Variants in PLEKHG3 observed in about 807,000 individuals in gnomAD.
PLEKHG3 encodes the protein pleckstrin homology and RhoGEF domain containing G3, also known as pleckstrin homology domain-containing family G member 3.
PLEKHG3 carries 62 observed loss-of-function variants against 94.9 expected under a neutral mutation model. That is an observed-to-expected ratio of 0.65 (90% CI 0.53 to 0.81). The LOEUF is 0.81. Among genes scored for constraint, PLEKHG3 ranks in the 30% least tolerant of loss-of-function variants. The pLI is 0.00. For missense variants in PLEKHG3, 1,461 were observed against 1,619.3 expected, an observed-to-expected ratio of 0.90 and a Z score of 1.68; for synonymous variants, 614 against 654.0, an observed-to-expected ratio of 0.94 and a Z score of 0.93.
chr14:64,733,122 C>T (rs1340001026), intron 12 of PLEKHG3, among the ~76,000 whole-genome samples: 1 of 151,974 alleles, frequency 6.6e-6, no homozygotes, highest in Non-Finnish European at 1.5e-5. Flanking sequence ...GGTCTGGAGC[C>T]CACCTTTTTC....
chr14:64,735,564 C>T (rs1011566524), intron 12 of PLEKHG3, among the ~76,000 whole-genome samples: 3 of 152,230 alleles, frequency 2.0e-5, no homozygotes, highest in Non-Finnish European at 4.4e-5. Context: ...GAATGGATAT[C>T]GTGCCCCTGC....
Position 64,737,364 on chromosome 14 carries a change from G to A in PLEKHG3, c.1393G>A (p.Ala465Thr). 6.2e-7 allele frequency: 1 copy of A among 1,601,118 alleles called. No homozygotes were observed. Among genetic ancestry groups the A allele is most frequent in the Non-Finnish European group, 8.5e-7 (1 of 1,174,330 alleles). Reference protein sequence around the residue: ...LRQLNEKARAAGMKGKGRRES... With the variant: ...LRQLNEKARATGMKGKGRRES... ...GGTGGTGATGTCTGCAGCCCGAGCAGCAGGAATGAAGGTAAAGGCCAGTGG... is the reference window on the plus strand; with the variant it reads ...GGTGGTGATGTCTGCAGCCCGAGCAACAGGAATGAAGGTAAAGGCCAGTGG... Residue 465 changes from alanine to threonine, a missense_variant, in exon 14 of 17, where the codon GCA becomes ACA. Transcript: ENST00000247226.
Position 64,727,648 on chromosome 14 carries a change from C to G in PLEKHG3, c.17C>G (p.Ser6Cys), listed in dbSNP as rs1423897553. ...AATGCCAGGATGCCTGTGTCCACCTCCCTCCACCAGGATGGCAGCCAGGAG... is the reference window on the plus strand; with the variant it reads ...AATGCCAGGATGCCTGTGTCCACCTGCCTCCACCAGGATGGCAGCCAGGAG... The part of the protein sequence containing the change: MPVST[S>C]LHQDGSQERP... Residue 6 changes from serine to cysteine, a missense_variant, in exon 2 of 17, where the codon TCC becomes TGC. Physicochemically the swap from Ser to Cys is moderately radical, Grantham distance 112. Transcript: ENST00000247226. The surrounding 1 kb of genome is among the most constrained non-coding windows in gnomAD (Gnocchi z 6.0). 6.2e-7 allele frequency: 1 copy of G among 1,611,338 alleles called. No individual in the cohort carries two copies.
chr14:64,724,988 G>A (rs2081326083), intron 1 of PLEKHG3, among the ~76,000 whole-genome samples: 1 of 152,238 alleles, frequency 6.6e-6, no homozygotes, highest in Non-Finnish European at 1.5e-5. Context: ...TGGCTGTTAT[G>A]CTTTGTTTTA....
In PLEKHG3 at chr14:64,731,161, C is replaced by T. The variant is rs762306034; in HGVS notation, c.841C>T (p.Arg281Trp). 12 of 1,550,860 alleles carry T rather than the reference C, an allele frequency of 7.7e-6. No homozygotes were observed. Among genetic ancestry groups the T allele is most frequent in the Non-Finnish European group, 1.1e-5 (12 of 1,136,574 alleles). ...DMKRRHEHAVRLQEIQSLLIN... is the reference protein window; with the variant it reads ...DMKRRHEHAVWLQEIQSLLIN... ...GAAGAGGAGGCATGAGCACGCGGTC[C>T]GGCTCCAGGTGCTCTGGGGCTGGGA... The change falls in exon 7 of 17, where the codon CGG becomes TGG. Residue 281 changes from arginine to tryptophan, a missense_variant. Coordinates refer to ENST00000247226, the MANE Select transcript of PLEKHG3 (RefSeq NM_001308147.2). The surrounding 1 kb of genome is among the most constrained non-coding windows in gnomAD (Gnocchi z 6.1).
At position 64,715,904 on chromosome 14, in the gene PLEKHG3, T is replaced by C. The variant is rs2081131917; in HGVS notation, c.-40+11200T>C. 2.5e-5 allele frequency: 10 copies of C among 397,628 alleles called. No homozygotes were observed. Among genetic ancestry groups the C allele is most frequent in the Middle Eastern group, 8.5e-4 (1 of 1,182 alleles). The allele number at this position is 397,628 out of a possible 1,614,324, so 24.6% of individuals were successfully genotyped here. ...TATGACCCACACGCAGAACTGGTTCTGAATAGAACATTTATTGACGAAGTT... is the reference window on the plus strand; with the variant it reads ...TATGACCCACACGCAGAACTGGTTCCGAATAGAACATTTATTGACGAAGTT... On this transcript the variant is annotated intron_variant, in intron 1 of 16. Transcript: ENST00000247226. The surrounding 1 kb of genome is among the most constrained non-coding windows in gnomAD (Gnocchi z 4.4).
At chr14:64,736,114 G>A (rs190112248) in intron 12 of PLEKHG3, among the ~76,000 whole-genome samples, 38 of 152,300 alleles carry the variant, frequency 2.5e-4, no homozygotes, top group African/African-American at 8.4e-4. Flanking sequence ...CCCACTTACC[G>A]CCAGCTGGGC....
rs1446274970 is a variant in PLEKHG3, at chr14:64,726,125, A to G, written c.-39-1468A>G. Among the ~76,000 whole-genome samples, 1 of 151,980 alleles carries G rather than the reference A, an allele frequency of 6.6e-6. No homozygotes were observed. Among genetic ancestry groups the G allele is most frequent in the Non-Finnish European group, 1.5e-5 (1 of 67,978 alleles). On this transcript the variant is annotated intron_variant, in intron 1 of 16. Transcript: ENST00000247226. This position sits in a 1 kb window ranked among gnomAD's most constrained non-coding sequence, Gnocchi z 5.1. ...GGATGTAAATTACATAGGTTGGGGGATGGTACTGTATGGGGTGGATGGGGA... is the reference window on the plus strand; with the variant it reads ...GGATGTAAATTACATAGGTTGGGGGGTGGTACTGTATGGGGTGGATGGGGA...
rs1484150636 is a variant in PLEKHG3 at position 64,749,793 on chromosome 14, C to G, written c.*6090C>G. The G allele has an allele frequency of 1.0e-5, 16 of 1,530,434 alleles. No individual in the cohort carries two copies. In the South Asian group the frequency reaches 1.4e-4, roughly 13 times the overall value. 94.8% of individuals were successfully genotyped at this position (1,530,434 alleles called of 1,614,324 possible). A position where few individuals can be genotyped will look rare whatever the true frequency, so the allele number is the denominator to read the frequency against. On this transcript the variant is annotated 3_prime_UTR_variant, in exon 17 of 17. Coordinates refer to ENST00000247226, the MANE Select transcript of PLEKHG3 (RefSeq NM_001308147.2). The surrounding 1 kb of genome is among the most constrained non-coding windows in gnomAD (Gnocchi z 4.7). The stretch of plus-strand genomic sequence containing the variant: ...TCCCACAATACCCTGAGCCGAACAT[C>G]CAGACCCCTCTCAGGCAGCCCAGCA...
chr14:64,744,996 G>A lies in PLEKHG3; in HGVS notation c.*1293G>A, dbSNP rs1171216662. ...TCGCCGTGTTGACCAGGCTGGTCTCGAACTTCTGACCTCAGGTGATCCACC... is the reference window on the plus strand; with the variant it reads ...TCGCCGTGTTGACCAGGCTGGTCTCAAACTTCTGACCTCAGGTGATCCACC... On this transcript the variant is annotated 3_prime_UTR_variant, in exon 17 of 17. Transcript: ENST00000247226. 1.3e-5 allele frequency: 2 copies of A among 151,966 alleles called. No homozygotes were observed. The highest frequency in any genetic ancestry group is 6.6e-5 in the Admixed American group (1 of 15,264). The allele number at this position is 151,966 out of a possible 1,614,324, so 9.4% of individuals were successfully genotyped here.
At position 64,731,517 on chromosome 14, in the gene PLEKHG3, C is replaced by G; in HGVS notation, c.1006C>G (p.His336Asp). 1.2e-6 allele frequency: 2 copies of G among 1,614,100 alleles called. No homozygotes were observed. The highest frequency in any genetic ancestry group is 1.7e-6 in the Non-Finnish European group (2 of 1,180,004). ...GCTTATCACCAAGAAGCGGGGCGAT[C>G]ACTTTGTCTACAAGGGCAACATCCC... Reference protein sequence around the residue: ...TLLITKKRGDHFVYKGNIPCS... With the variant: ...TLLITKKRGDDFVYKGNIPCS... Residue 336 changes from histidine (H) to aspartate (D), a missense_variant, in exon 8 of 17, where the codon CAC becomes GAC. By Grantham distance (81) the His-to-Asp change is moderately conservative. Around this residue, in one of 3 missense-constraint regions of PLEKHG3, gnomAD observed 1,201 missense variants for 1,295.5 expected, o/e 0.93. Transcript: ENST00000247226. This position sits in a 1 kb window ranked among gnomAD's most constrained non-coding sequence, Gnocchi z 6.1.
chr14:64,715,943 C>T lies in PLEKHG3; in HGVS notation c.-40+11239C>T, dbSNP rs2081132993. 4.6e-6 allele frequency: 2 copies of T among 435,192 alleles called. No individual in the cohort carries two copies. Among genetic ancestry groups the T allele is most frequent in the Admixed American group, 2.6e-5 (1 of 38,810 alleles). The allele number at this position is 435,192 out of a possible 1,614,324, so 27.0% of individuals were successfully genotyped here. A position where few individuals can be genotyped will look rare whatever the true frequency, so the allele number is the denominator to read the frequency against. ...ATTGACGAAGTTTTGCAGGAGGCGG[C>T]GGGCGCTTTAATTCCCGAGGCTGTT... On this transcript the variant is annotated intron_variant, in intron 1 of 16. Coordinates refer to ENST00000247226, the MANE Select transcript of PLEKHG3 (RefSeq NM_001308147.2). This position sits in a 1 kb window ranked among gnomAD's most constrained non-coding sequence, Gnocchi z 4.4.
chr14:64,731,206 C>A lies in PLEKHG3; in HGVS notation c.849+37C>A. The A allele has an allele frequency of 3.5e-6, 3 of 865,868 alleles. No individual in the cohort carries two copies. Among genetic ancestry groups the A allele is most frequent in the Admixed American group, 1.8e-5 (1 of 54,054 alleles). The allele number at this position is 865,868 out of a possible 1,614,324, so 53.6% of individuals were successfully genotyped here. A position where few individuals can be genotyped will look rare whatever the true frequency, so the allele number is the denominator to read the frequency against. ...CTGGGACGCTGGGGGAGGGGCAGGG[C>A]TGGGTGGGCCAGGCTTCCGCTGGGA... On this transcript the variant is annotated intron_variant, in intron 7 of 16. Transcript: ENST00000247226. The surrounding 1 kb of genome is among the most constrained non-coding windows in gnomAD (Gnocchi z 6.1).
chr14:64,736,547 A>T (rs911487431), intron 12 of PLEKHG3, among the ~76,000 whole-genome samples: 16 of 152,076 alleles, frequency 1.1e-4, no homozygotes, highest in African/African-American at 3.6e-4. Context: ...TCCCCTCCCT[A>T]TGGCTCCTGC....
In PLEKHG3 at chr14:64,722,748, A is replaced by T. The variant is rs1452937400; in HGVS notation, c.-39-4845A>T. 6.6e-6 allele frequency among the ~76,000 whole-genome samples: 1 copy of T among 152,112 alleles called. No homozygotes were observed. Among genetic ancestry groups the T allele is most frequent in the East Asian group, 1.9e-4 (1 of 5,180 alleles). The stretch of plus-strand genomic sequence containing the variant: ...CTGGGGAGTCTGGTGTGCCCACCAG[A>T]GGGTTCACCCCCAAGTGTCCTCTTC... On this transcript the variant is annotated intron_variant, in intron 1 of 16. Transcript: ENST00000247226. This position sits in a 1 kb window ranked among gnomAD's most constrained non-coding sequence, Gnocchi z 4.3.
Position 64,728,002 on chromosome 14 carries a change from C to A in PLEKHG3, c.351+20C>A. ...GTGGAGGTGCGTGTCGGAGGCCTTG[C>A]GGCACAGTATTCTAGCAGAAGCCTG... On this transcript the variant is annotated intron_variant, in intron 2 of 16. Transcript: ENST00000247226. The surrounding 1 kb of genome is among the most constrained non-coding windows in gnomAD (Gnocchi z 5.9). 1.4e-6 allele frequency: 2 copies of A among 1,433,762 alleles called. No individual in the cohort carries two copies. Among genetic ancestry groups the A allele is most frequent in the Non-Finnish European group, 1.9e-6 (2 of 1,050,674 alleles). The allele number at this position is 1,433,762 out of a possible 1,614,324, so 88.8% of individuals were successfully genotyped here.
intron 1 of PLEKHG3, among the ~76,000 whole-genome samples, chr14:64,719,934 G>A (rs1350703572): frequency 6.6e-6 from 1 of 152,222 alleles, no homozygotes; most frequent in African/African-American, 2.4e-5. Context: ...GGATCTGTCT[G>A]TGATTTCCAG....
In PLEKHG3 at chr14:64,731,442, G is replaced by A. The variant is rs150260706; in HGVS notation, c.931G>A (p.Val311Met). The A allele has an allele frequency of 2.9e-4, 465 of 1,613,058 alleles. No individual in the cohort carries two copies. Among genetic ancestry groups the A allele is most frequent in the Non-Finnish European group, 3.8e-4 (446 of 1,179,124 alleles). ...GCTTGTCCTGGAGGGCACATTCCGCGTGCATCGCGTGCGCAATGAAAGGAC... is the reference window on the plus strand; with the variant it reads ...GCTTGTCCTGGAGGGCACATTCCGCATGCATCGCGTGCGCAATGAAAGGAC... ...GELVLEGTFRVHRVRNERTFF... is the reference protein window; with the variant it reads ...GELVLEGTFRMHRVRNERTFF... Residue 311 changes from valine to methionine, a missense_variant, in exon 8 of 17, where the codon GTG becomes ATG. By Grantham distance (21) the Val-to-Met change is conservative. Coordinates refer to ENST00000247226, the MANE Select transcript of PLEKHG3 (RefSeq NM_001308147.2). This position sits in a 1 kb window ranked among gnomAD's most constrained non-coding sequence, Gnocchi z 6.1.
At position 64,743,840 on chromosome 14, in the gene PLEKHG3, A is replaced by T. The variant is rs2081773614; in HGVS notation, c.*137A>T. Reference sequence around the variant, plus strand: ...GGAAAGTCCATCCCCTCCGCCCTTCAGGAAGGATGCTCCCGTGTGCAGGGG... The same window carrying T: ...GGAAAGTCCATCCCCTCCGCCCTTCTGGAAGGATGCTCCCGTGTGCAGGGG... On this transcript the variant is annotated 3_prime_UTR_variant, in exon 17 of 17. Transcript: ENST00000247226. The surrounding 1 kb of genome is among the most constrained non-coding windows in gnomAD (Gnocchi z 7.2). 1.1e-6 allele frequency: 1 copy of T among 920,938 alleles called. No individual in the cohort carries two copies. Among genetic ancestry groups the T allele is most frequent in the African/African-American group, 1.7e-5 (1 of 59,718 alleles). The allele number at this position is 920,938 out of a possible 1,614,324, so 57.0% of individuals were successfully genotyped here.
Sources: allele counts gnomAD v4.1 joint callset (sites outside exome capture counted in the v4.1 genomes callset), GRCh38; gene constraint gnomAD v4.1.1; regional missense constraint gnomAD v4.1.1; non-coding constraint Gnocchi (gnomAD v3.1); transcripts MANE v1.5; gene names NCBI Gene and HGNC (gene_info 2026-07-23, HGNC 2026-07-21).